The following DCC variants were observed in gnomAD, a reference collection of about 807,000 sequenced individuals.
DCC encodes the protein DCC netrin 1 receptor, also known as netrin receptor DCC.
A neutral mutation model predicts 172.5 loss-of-function variants in DCC; 58 were observed. The ratio of observed to expected loss-of-function variants is 0.34; its 90% confidence interval spans 0.27 to 0.42. The LOEUF is 0.42. Ranked by LOEUF, DCC falls within the 10% of genes least tolerant of loss-of-function variation. The pLI, the probability that DCC is intolerant of heterozygous loss-of-function variation, is 1.00. For synonymous variants in DCC, 709 were observed against 644.5 expected (o/e 1.10, Z -1.52); for missense variants, 1,740 against 1,791.0 (o/e 0.97, Z 0.51).
intron 18 of DCC, 104 bp downstream of exon 18, chr18:53,397,550 C>CCTG: frequency 8.0e-7 from 1 of 1,250,728 alleles, no homozygotes; most frequent in South Asian, 1.2e-5. Flanking sequence ...ATACCTTATC[C>CCTG]TATATAAAAT....
intron 23 of DCC, among the ~76,000 whole-genome samples, chr18:53,457,900 CA>C (rs967300508): frequency 2.0e-5 from 3 of 150,866 alleles, no homozygotes; most frequent in South Asian, 4.2e-4. Flanking sequence ...TCAAGAAAGA[CA>C]AAAAAAAGGA....
chr18:52,545,837 A>G (rs1305408457), intron 1 of DCC, among the ~76,000 whole-genome samples: 1 of 152,122 alleles, frequency 6.6e-6, no homozygotes, highest in African/African-American at 2.4e-5. Context: ...AAATAGTACT[A>G]ACTGTTTGTT....
rs377498043 is a variant in DCC, at chr18:52,906,192, C to T, written c.561C>T (p.Ser187=). The change falls in exon 3 of 29, where the codon TCC becomes TCT. Residue 187 remains serine, a synonymous_variant. Transcript: ENST00000442544. ...QQDLTPIPGD[S]RVVVLPSGAL... is the part of the protein sequence containing the mutation. ...ACCTGACTCCAATCCCAGGTGACTC[C>T]CGAGTGGTGGTCTTGCCCTCTGGAG... 2 of 1,613,920 alleles carry T rather than the reference C, an allele frequency of 1.2e-6. No homozygotes were observed. The highest frequency in any genetic ancestry group is 2.7e-5 in the African/African-American group (2 of 74,894).
chr18:53,086,008 T>C (rs1235700423), intron 7 of DCC, among the ~76,000 whole-genome samples: 1 of 25,508 alleles, frequency 3.9e-5, no homozygotes, highest in South Asian at 9.2e-4. Context: ...CTTCTTCTCC[T>C]TCTCCTTCTC....
At chr18:52,428,934 G>A (rs1254662593) in intron 1 of DCC, among the ~76,000 whole-genome samples, 1 of 151,976 alleles carries the variant, frequency 6.6e-6, no homozygotes, top group Non-Finnish European at 1.5e-5. Flanking sequence ...ATACCCAGCG[G>A]CTGAACTTCT....
intron 1 of DCC, among the ~76,000 whole-genome samples, chr18:52,532,610 T>C (rs2032182662): frequency 1.3e-5 from 2 of 152,162 alleles, no homozygotes; most frequent in African/African-American, 4.8e-5. Flanking sequence ...CTGAAGGATA[T>C]GGGTGTGGGA....
At chr18:53,404,623 C>G (rs1909539263) in intron 19 of DCC, among the ~76,000 whole-genome samples, 1 of 151,978 alleles carries the variant, frequency 6.6e-6, no homozygotes. Context: ...CCCAGCTACT[C>G]TGGAGGCTGA....
chr18:52,824,153 T>A (rs2038462214), intron 2 of DCC, among the ~76,000 whole-genome samples: 1 of 152,164 alleles, frequency 6.6e-6, no homozygotes, highest in Non-Finnish European at 1.5e-5. Context: ...CACGGAAAAG[T>A]GGGTCACTTG....
At chr18:52,790,396 T>C (rs1598804883) in intron 2 of DCC, among the ~76,000 whole-genome samples, 1 of 152,182 alleles carries the variant, frequency 6.6e-6, no homozygotes, top group East Asian at 1.9e-4. Context: ...ATATAAACAA[T>C]GATCCTTGTT....
chr18:53,506,728 T>C (rs796585974), intron 27 of DCC, among the ~76,000 whole-genome samples: 21 of 152,046 alleles, frequency 1.4e-4, no homozygotes, highest in African/African-American at 4.8e-4. Context: ...CATGGTGTCA[T>C]GTGCCTGTAA....
intron 5 of DCC, among the ~76,000 whole-genome samples, chr18:52,946,309 C>T (rs1476624020): frequency 1.3e-5 from 2 of 152,140 alleles, no homozygotes; most frequent in African/African-American, 2.4e-5. Context: ...GATTGAGTTG[C>T]ATGATAAACA....
chr18:53,371,829 G>C (rs564171164), intron 15 of DCC, among the ~76,000 whole-genome samples: 1 of 152,020 alleles, frequency 6.6e-6, no homozygotes, highest in Admixed American at 6.6e-5. Context: ...TTTCAAAGAA[G>C]ACATACATGC....
At chr18:53,164,862 T>TA (rs1310386312) in intron 8 of DCC, among the ~76,000 whole-genome samples, 2 of 152,190 alleles carry the variant, frequency 1.3e-5, no homozygotes, top group African/African-American at 4.8e-5. Flanking sequence ...ATAAGGTATT[T>TA]ATGATGATCT....
intron 21 of DCC, among the ~76,000 whole-genome samples, chr18:53,427,339 A>C (rs1276540153): frequency 6.6e-6 from 1 of 152,132 alleles, no homozygotes; most frequent in Non-Finnish European, 1.5e-5. Flanking sequence ...GATTCCAATG[A>C]CAGGAAGGAC....
At chr18:52,452,196 A>T (rs569216012) in intron 1 of DCC, among the ~76,000 whole-genome samples, 1 of 152,192 alleles carries the variant, frequency 6.6e-6, no homozygotes, top group Non-Finnish European at 1.5e-5. Context: ...AAATAGATCA[A>T]TGTTTTAAAG....
intron 1 of DCC, among the ~76,000 whole-genome samples, chr18:52,428,273 A>G (rs1014471721): frequency 6.6e-6 from 1 of 152,120 alleles, no homozygotes; most frequent in Non-Finnish European, 1.5e-5. Flanking sequence ...GTTTAATTCA[A>G]GCCATTTTCA....
chr18:53,306,727 G>A (rs1018210469), intron 13 of DCC, among the ~76,000 whole-genome samples: 1 of 152,220 alleles, frequency 6.6e-6, no homozygotes, highest in African/African-American at 2.4e-5. Flanking sequence ...TTTATGTGAT[G>A]GTGGCTTGGC....
At chr18:52,461,820 A>G (rs1341369113) in intron 1 of DCC, among the ~76,000 whole-genome samples, 1 of 152,092 alleles carries the variant, frequency 6.6e-6, no homozygotes, top group Non-Finnish European at 1.5e-5. Flanking sequence ...TCCGATTTTT[A>G]TCTCCAGCTC....
At chr18:53,072,085 A>T (rs563119920) in intron 7 of DCC, among the ~76,000 whole-genome samples, 3 of 152,288 alleles carry the variant, frequency 2.0e-5, no homozygotes, top group Admixed American at 2.0e-4. Flanking sequence ...GCCAAGATCA[A>T]GCTACTGAAC....
Sources: allele counts gnomAD v4.1 joint callset (sites outside exome capture counted in the v4.1 genomes callset), GRCh38; gene constraint gnomAD v4.1.1; transcripts MANE v1.5; gene names NCBI Gene and HGNC (gene_info 2026-07-23, HGNC 2026-07-21).